LRP1B: variants seen among roughly 807,000 people sequenced by gnomAD.
LRP1B encodes LDL receptor related protein 1B.
LRP1B carries 217 observed loss-of-function variants against 556.6 expected under a neutral mutation model. The observed-to-expected ratio is 0.39, with a 90% CI of 0.35 to 0.44. LRP1B has a LOEUF of 0.44. LRP1B is among the 20% of genes least tolerant of loss of function. The pLI, the probability that LRP1B is intolerant of heterozygous loss-of-function variation, is 1.00. For missense variants in LRP1B, 5,053 were observed against 5,620.8 expected, an observed-to-expected ratio of 0.90 and a Z score of 3.23; for synonymous variants, 2,047 against 1,865.8, an observed-to-expected ratio of 1.10 and a Z score of -2.50.
chr2:140,951,681 A>G (rs1388619856), intron 19 of LRP1B, among the ~76,000 whole-genome samples, 179 bp downstream of exon 19: 1 of 152,180 alleles, frequency 6.6e-6, no homozygotes, highest in African/African-American at 2.4e-5. Flanking sequence ...ATTGAGTTCC[A>G]TTATCTTTAA....
chr2:141,664,353 G>A (rs1386511236), intron 2 of LRP1B, among the ~76,000 whole-genome samples: 2 of 152,160 alleles, frequency 1.3e-5, no homozygotes, highest in African/African-American at 4.8e-5. Flanking sequence ...AGAAGTTCCG[G>A]CCAGGGCAAT....
chr2:142,130,314 T>A (rs1031223828), intron 1 of LRP1B, among the ~76,000 whole-genome samples: 9 of 152,178 alleles, frequency 5.9e-5, no homozygotes, highest in African/African-American at 2.2e-4. Flanking sequence ...GAGGGAAGTC[T>A]TTCGGAAATG....
intron 2 of LRP1B, among the ~76,000 whole-genome samples, chr2:141,748,927 T>C (rs1574316716): frequency 1.3e-5 from 2 of 152,194 alleles, no homozygotes; most frequent in East Asian, 3.9e-4. Flanking sequence ...AAGGGGCTGC[T>C]ATACTCTTCT....
chr2:141,480,975 G>A (rs1682899786), intron 2 of LRP1B, among the ~76,000 whole-genome samples: 1 of 152,094 alleles, frequency 6.6e-6, no homozygotes, highest in Non-Finnish European at 1.5e-5. Flanking sequence ...TGTTTCAGTG[G>A]CATTTACTTG....
At chr2:142,041,782 A>T (rs1314071422) in intron 1 of LRP1B, among the ~76,000 whole-genome samples, 1 of 151,518 alleles carries the variant, frequency 6.6e-6, no homozygotes, top group African/African-American at 2.4e-5. Flanking sequence ...GATTAAGAAG[A>T]CATAAAATCC....
chr2:140,310,652 A>G (rs562589455), intron 83 of LRP1B, among the ~76,000 whole-genome samples: 6 of 151,880 alleles, frequency 4.0e-5, no homozygotes, highest in Non-Finnish European at 8.8e-5. Flanking sequence ...TGTGGAAAGG[A>G]CATCCTATTC....
chr2:141,069,487 G>A (rs1015193001), intron 7 of LRP1B, among the ~76,000 whole-genome samples: 1 of 152,030 alleles, frequency 6.6e-6, no homozygotes, highest in African/African-American at 2.4e-5. Flanking sequence ...TGTCTGAGGT[G>A]GAGTCTAGGC....
At chr2:140,852,895 A>G (rs1692502290) in intron 27 of LRP1B, among the ~76,000 whole-genome samples, 1 of 151,690 alleles carries the variant, frequency 6.6e-6, no homozygotes, top group Admixed American at 6.6e-5. Context: ...TTTTTATAGA[A>G]CCTATCTAGT....
At chr2:142,107,084 T>A (rs1706772124) in intron 1 of LRP1B, among the ~76,000 whole-genome samples, 1 of 152,180 alleles carries the variant, frequency 6.6e-6, no homozygotes, top group Non-Finnish European at 1.5e-5. Flanking sequence ...TGTTTAATTC[T>A]GTGAGATGAG....
intron 7 of LRP1B, among the ~76,000 whole-genome samples, chr2:141,140,268 C>T (rs1247196416): frequency 6.6e-6 from 1 of 152,024 alleles, no homozygotes; most frequent in Non-Finnish European, 1.5e-5. Flanking sequence ...TTTCCACTGA[C>T]ATATATATTT....
chr2:142,070,282 G>A (rs1215573078), intron 1 of LRP1B, among the ~76,000 whole-genome samples: 1 of 151,712 alleles, frequency 6.6e-6, no homozygotes, highest in Non-Finnish European at 1.5e-5. Flanking sequence ...CCAGTCTGCT[G>A]GATATCTTAT....
chr2:141,660,279 C>T lies in LRP1B; in HGVS notation c.205+150000G>A, dbSNP rs532847703. ...GGCGGTGAGTGACCATGCTACCCTG[C>T]CCGGGAAGCCATGCTTTTTCCATGG... On this transcript the variant is annotated intron_variant, in intron 2 of 90. Coordinates refer to ENST00000389484, the MANE Select transcript of LRP1B (RefSeq NM_018557.3). 2.6e-5 allele frequency among the ~76,000 whole-genome samples: 4 copies of T among 152,280 alleles called. No homozygotes were observed. The South Asian group carries it at 8.3e-4, about 32-fold the overall frequency.
intron 3 of LRP1B, among the ~76,000 whole-genome samples, chr2:141,304,525 G>T (rs1686515543): frequency 7.4e-6 from 1 of 135,768 alleles, no homozygotes; most frequent in Non-Finnish European, 1.5e-5. Context: ...TGCCACCCAG[G>T]CTCAAGTACA....
chr2:140,769,006 C>T (rs545704023), intron 35 of LRP1B, among the ~76,000 whole-genome samples: 1 of 141,504 alleles, frequency 7.1e-6, no homozygotes, highest in East Asian at 2.1e-4. Flanking sequence ...AATTCAAATG[C>T]TATACTTTAG....
intron 41 of LRP1B, among the ~76,000 whole-genome samples, 159 bp downstream of exon 41, chr2:140,700,091 G>T (rs10928067): frequency 0.23 from 34,198 of 147,180 alleles, 4,968 homozygotes; most frequent in African/African-American, 0.41. Flanking sequence ...GACATTTGGC[G>T]GGGGGGTGGG....
At chr2:141,715,776 T>C (rs1468277490) in intron 2 of LRP1B, among the ~76,000 whole-genome samples, 1 of 151,982 alleles carries the variant, frequency 6.6e-6, no homozygotes, top group African/African-American at 2.4e-5. Context: ...GATCGCGTCA[T>C]TGCACTCCAG....
chr2:140,436,302 GA>G (rs746825559), intron 66 of LRP1B, among the ~76,000 whole-genome samples: 2 of 152,014 alleles, frequency 1.3e-5, no homozygotes, highest in African/African-American at 2.4e-5. Context: ...AATTATTTTT[GA>G]AAGCTTCCAT....
rs1681096290 is a variant in LRP1B at position 140,245,134 on chromosome 2, C to T, written c.13324+1952G>A. On this transcript the variant is annotated intron_variant, in intron 87 of 90. Transcript: ENST00000389484. ...GCCCTTTCAAAATGCATTGATAGTT[C>T]TATTAAATTTCATGACTTTAAATTA... is the stretch of plus-strand genomic sequence containing the variant. Among the ~76,000 whole-genome samples, 5 of 151,456 alleles carry T rather than the reference C, an allele frequency of 3.3e-5. No individual in the cohort carries two copies. In the South Asian group the frequency reaches 1.0e-3, roughly 31 times the overall value.
At chr2:141,299,440 C>A (rs1328172817) in intron 3 of LRP1B, among the ~76,000 whole-genome samples, 1 of 152,120 alleles carries the variant, frequency 6.6e-6, no homozygotes, top group African/African-American at 2.4e-5. Flanking sequence ...AAATGTGTGA[C>A]CATCTCTAAG....
Sources: allele counts gnomAD v4.1 joint callset (sites outside exome capture counted in the v4.1 genomes callset), GRCh38; gene constraint gnomAD v4.1.1; transcripts MANE v1.5; gene names NCBI Gene and HGNC (gene_info 2026-07-23, HGNC 2026-07-21).